Variants in EXOC6 observed in about 807,000 individuals in gnomAD.
The protein encoded by EXOC6 is SEC15-like 1.
Under a neutral mutation model 112.5 loss-of-function variants are expected in EXOC6, and 60 were observed. The ratio of observed to expected loss-of-function variants is 0.53; its 90% confidence interval spans 0.43 to 0.66. The LOEUF (loss-of-function observed/expected upper bound fraction) is 0.66. Among genes scored for constraint, EXOC6 ranks in the 30% least tolerant of loss-of-function variants. The pLI is 0.00. For missense variants in EXOC6, 855 were observed against 957.1 expected, an observed-to-expected ratio of 0.89 and a Z score of 1.41; for synonymous variants, 295 against 308.0, an observed-to-expected ratio of 0.96 and a Z score of 0.44.
intron 8 of EXOC6, among the ~76,000 whole-genome samples, chr10:92,926,231 A>T (rs4933244): frequency 0.41 from 61,697 of 151,634 alleles, 13,080 homozygotes; most frequent in African/African-American, 0.5. Flanking sequence ...CATTTGCATC[A>T]GTTTAGTACT....
At chr10:92,925,601 ATAT>A (rs1170727161) in intron 8 of EXOC6, among the ~76,000 whole-genome samples, 4 of 151,920 alleles carry the variant, frequency 2.6e-5, no homozygotes, top group African/African-American at 7.3e-5. Context: ...GGCGTTGGTG[ATAT>A]TATGGTGTAA....
chr10:92,904,315 C>T (rs913986112), intron 5 of EXOC6, among the ~76,000 whole-genome samples: 2 of 151,930 alleles, frequency 1.3e-5, no homozygotes, highest in African/African-American at 4.8e-5. Flanking sequence ...GGGTAAATAC[C>T]TGGGGATGTG....
rs539251034 is a variant in EXOC6, at chr10:92,966,597, G to A, written c.1774-7456G>A. 7.8e-4 allele frequency among the ~76,000 whole-genome samples: 118 copies of A among 151,336 alleles called. 3 individuals carry two copies. In the East Asian group the frequency reaches 0.023, roughly 29 times the overall value. On this transcript the variant is annotated intron_variant, in intron 17 of 21. Coordinates refer to ENST00000260762, the MANE Select transcript of EXOC6 (RefSeq NM_019053.6). ...AATGATGATTTCCACTTTCATCCATGTCCCTACAAAGGACATGAACTCATC... is the reference window on the plus strand; with the variant it reads ...AATGATGATTTCCACTTTCATCCATATCCCTACAAAGGACATGAACTCATC...
At chr10:92,934,463 A>G in intron 11 of EXOC6, 33 bp downstream of exon 11, 2 of 1,516,020 alleles carry the variant, frequency 1.3e-6, no homozygotes, top group Non-Finnish European at 8.8e-7. Context: ...CTAAAATTTT[A>G]ATTCAGTTAC....
intron 1 of EXOC6, among the ~76,000 whole-genome samples, chr10:92,862,290 TTG>T (rs1418565326): frequency 1.3e-5 from 2 of 152,144 alleles, no homozygotes; most frequent in African/African-American, 4.8e-5. Flanking sequence ...CTCATTTATA[TTG>T]TAGCATGAAT....
intron 20 of EXOC6, among the ~76,000 whole-genome samples, chr10:93,031,660 A>G (rs1421154475): frequency 6.6e-6 from 1 of 151,650 alleles, no homozygotes; most frequent in Non-Finnish European, 1.5e-5. Flanking sequence ...TTACAGGCAC[A>G]TGCTACCGCA....
Position 92,941,101 on chromosome 10 carries a change from G to A in EXOC6, c.1310+277G>A, listed in dbSNP as rs369637792. On this transcript the variant is annotated intron_variant, in intron 13 of 21. Coordinates refer to ENST00000260762, the MANE Select transcript of EXOC6 (RefSeq NM_019053.6). ...AACTCTCCATTTCCCCCTTCCCCCA[G>A]CCTCTGGCAACCACCACTCTTGCTT... 1.8e-3 allele frequency among the ~76,000 whole-genome samples: 268 copies of A among 152,032 alleles called. 1 individual carries two copies. The highest frequency in any genetic ancestry group is 6.3e-3 in the African/African-American group (261 of 41,490).
At chr10:92,860,903 G>T (rs746709938) in intron 1 of EXOC6, among the ~76,000 whole-genome samples, 1 of 151,402 alleles carries the variant, frequency 6.6e-6, no homozygotes, top group African/African-American at 2.5e-5. Flanking sequence ...TGTGAATAAT[G>T]CTGCAGTGAA....
rs538649139 is a variant in EXOC6, at chr10:92,843,200, C to T, written c.86+8376C>T. Among the ~76,000 whole-genome samples, 362 of 152,300 alleles carry T rather than the reference C, an allele frequency of 2.4e-3. 3 individuals carry two copies. Among genetic ancestry groups the T allele is most frequent in the South Asian group, 0.015 (74 of 4,824 alleles). ...CTTTATGGAACAGCCGATTCCTGCA[C>T]AGGGTTTTACAGCAGGAATCCTCCC... On this transcript the variant is annotated intron_variant, in intron 1 of 21. Transcript: ENST00000371552.
intron 1 of EXOC6, among the ~76,000 whole-genome samples, chr10:92,870,478 T>G (rs1440711122): frequency 1.3e-5 from 2 of 152,176 alleles, no homozygotes; most frequent in Non-Finnish European, 2.9e-5. Context: ...ATAAACCCCA[T>G]TTGGTCATGA....
At chr10:92,911,294 C>T (rs1850747586) in intron 6 of EXOC6, among the ~76,000 whole-genome samples, 1 of 152,124 alleles carries the variant, frequency 6.6e-6, no homozygotes, top group Non-Finnish European at 1.5e-5. Flanking sequence ...TGAGGGTCTT[C>T]CCCATTATAG....
intron 9 of EXOC6, 85 bp downstream of exon 9, chr10:92,928,507 G>T (rs1385614761): frequency 3.9e-6 from 3 of 770,942 alleles, no homozygotes; most frequent in Non-Finnish European, 6.4e-6. Context: ...ATGTATCACT[G>T]TTCATTCAAC....
intron 7 of EXOC6, among the ~76,000 whole-genome samples, chr10:92,918,837 T>C (rs1014160907): frequency 6.6e-6 from 1 of 152,072 alleles, no homozygotes; most frequent in Non-Finnish European, 1.5e-5. Context: ...TATGCACATA[T>C]GTGTATGTGT....
chr10:92,845,064 A>G (rs953402102), upstream of EXOC6, among the ~76,000 whole-genome samples: 5 of 152,358 alleles, frequency 3.3e-5, no homozygotes, highest in Admixed American at 2.6e-4. Context: ...TTACTTTTAT[A>G]CTGGACACAA....
chr10:92,843,339 A>AACTAATCCTTC (rs1352538084), intron 1 of EXOC6, among the ~76,000 whole-genome samples: 7 of 152,228 alleles, frequency 4.6e-5, no homozygotes, highest in African/African-American at 1.7e-4. Flanking sequence ...GACATCTGAA[A>AACTAATCCTTC]CGAGTGGCTA....
chr10:92,879,426 C>T (rs1429741323), intron 1 of EXOC6, among the ~76,000 whole-genome samples: 2 of 152,088 alleles, frequency 1.3e-5, no homozygotes, highest in Non-Finnish European at 2.9e-5. Flanking sequence ...GTGATCACAC[C>T]ACTGCACTCC....
At chr10:92,916,471 C>T (rs1851094978) in intron 7 of EXOC6, among the ~76,000 whole-genome samples, 1 of 152,132 alleles carries the variant, frequency 6.6e-6, no homozygotes, top group African/African-American at 2.4e-5. Flanking sequence ...CATTGTGCCA[C>T]TGTACTCCAG....
intron 1 of EXOC6, among the ~76,000 whole-genome samples, chr10:92,827,069 A>G (rs1019430736): frequency 7.2e-5 from 11 of 152,224 alleles, no homozygotes; most frequent in Admixed American, 5.9e-4. Flanking sequence ...TTGAAAGAAT[A>G]TTATTTGAAT....
chr10:93,040,538 C>T lies in EXOC6; in HGVS notation c.2170-16386C>T, dbSNP rs566201042. 7.9e-5 allele frequency among the ~76,000 whole-genome samples: 12 copies of T among 152,346 alleles called. No individual in the cohort carries two copies. The East Asian group carries it at 9.6e-4, about 12-fold the overall frequency. ...CTGGGATTACAGGCGTGAGCCACTG[C>T]GCCCGGCCTGCTTTATCGTTTTCTT... On this transcript the variant is annotated intron_variant, in intron 20 of 21. Coordinates refer to ENST00000260762, the MANE Select transcript of EXOC6 (RefSeq NM_019053.6).
Sources: allele counts gnomAD v4.1 joint callset (sites outside exome capture counted in the v4.1 genomes callset), GRCh38; gene constraint gnomAD v4.1.1; transcripts MANE v1.5; gene names NCBI Gene and HGNC (gene_info 2026-07-23, HGNC 2026-07-21).